The following TRIM44 variants were observed in gnomAD, a reference collection of about 807,000 sequenced individuals.
TRIM44 encodes the protein tripartite motif containing 44, also known as tripartite motif-containing protein 44.
TRIM44 carries 13 observed loss-of-function variants against 37.4 expected under a neutral mutation model. The ratio of observed to expected loss-of-function variants is 0.35; its 90% CI spans 0.23 to 0.55. The LOEUF (loss-of-function observed/expected upper bound fraction) is 0.55, where lower values mean the gene tolerates loss of function less well. Ranked by LOEUF, TRIM44 falls within the 20% of genes least tolerant of loss-of-function variation. TRIM44 has a pLI of 0.89. For missense variants in TRIM44, 426 were observed against 437.2 expected (o/e 0.97, Z 0.23); for synonymous variants, 175 against 157.2 (o/e 1.11, Z -0.85).
At chr11:35,715,206 G>A (rs1336834301) in intron 2 of TRIM44, among the ~76,000 whole-genome samples, 1 of 152,224 alleles carries the variant, frequency 6.6e-6, no homozygotes, top group African/African-American at 2.4e-5. Flanking sequence ...CCTGGGAGGA[G>A]AGGATGCTTG....
At chr11:35,746,562 G>GTT (rs778424945) in intron 4 of TRIM44, among the ~76,000 whole-genome samples, 6 of 151,412 alleles carry the variant, frequency 4.0e-5, no homozygotes, top group Non-Finnish European at 8.8e-5. Context: ...TGCTGGTGGA[G>GTT]TTTTTTGTTT....
At chr11:35,783,493 C>G (rs567920630) in intron 4 of TRIM44, among the ~76,000 whole-genome samples, 13 of 152,270 alleles carry the variant, frequency 8.5e-5, no homozygotes, top group African/African-American at 3.1e-4. Flanking sequence ...ATTATGAATA[C>G]ATTTTCTTTC....
chr11:35,703,342 C>G (rs1851823456), intron 2 of TRIM44, among the ~76,000 whole-genome samples: 1 of 152,318 alleles, frequency 6.6e-6, no homozygotes, highest in African/African-American at 2.4e-5. Flanking sequence ...CACAGACAAA[C>G]AAAAAGACAG....
At chr11:35,774,242 A>G (rs1852918765) in intron 4 of TRIM44, among the ~76,000 whole-genome samples, 3 of 152,142 alleles carry the variant, frequency 2.0e-5, no homozygotes, top group Admixed American at 6.5e-5. Flanking sequence ...GCATTTTTTC[A>G]CGTGTCTGTT....
chr11:35,793,758 A>G (rs1236093136), intron 4 of TRIM44, among the ~76,000 whole-genome samples: 1 of 152,102 alleles, frequency 6.6e-6, no homozygotes, highest in Non-Finnish European at 1.5e-5. Context: ...TTCACTCCTC[A>G]TTGCCCGGGG....
chr11:35,744,264 G>T (rs1421607483), intron 4 of TRIM44, among the ~76,000 whole-genome samples: 1 of 152,140 alleles, frequency 6.6e-6, no homozygotes, highest in Non-Finnish European at 1.5e-5. Context: ...GTATGAGTAT[G>T]TGCTACACAA....
intron 2 of TRIM44, among the ~76,000 whole-genome samples, chr11:35,707,128 CAGAG>C (rs1264379676): frequency 1.5e-4 from 22 of 151,204 alleles, no homozygotes; most frequent in Non-Finnish European, 2.4e-4. Flanking sequence ...AACAGACAAA[CAGAG>C]AGCCAAATCA....
intron 4 of TRIM44, among the ~76,000 whole-genome samples, chr11:35,767,247 G>A (rs532193128): frequency 3.9e-5 from 6 of 152,134 alleles, no homozygotes; most frequent in East Asian, 1.9e-4. Context: ...GGCTGTTATC[G>A]GGGTGCTTCT....
Position 35,663,290 on chromosome 11 carries a change from A to G in TRIM44, c.179A>G (p.Tyr60Cys). The G allele has an allele frequency of 1.2e-6, 2 of 1,614,022 alleles. No individual in the cohort carries two copies. The highest frequency in any genetic ancestry group is 1.7e-6 in the Non-Finnish European group (2 of 1,179,944). The stretch of plus-strand genomic sequence containing the variant: ...TTCCTCAGTCACCATCTGGCCGAAT[A>G]CGTCCACGGCTCCCAGGCCTGGACC... ...QKFLSHHLAE[Y>C]VHGSQAWTPP... is the part of the protein sequence containing the mutation. Residue 60 changes from tyrosine (Y) to cysteine (C), a missense_variant, in exon 1 of 5, where the codon TAC becomes TGC. Tyr to Cys is a radical substitution (Grantham distance 194). Transcript: ENST00000299413.
At chr11:35,667,891 T>G (rs1318324883) in intron 1 of TRIM44, among the ~76,000 whole-genome samples, 1 of 152,210 alleles carries the variant, frequency 6.6e-6, no homozygotes, top group Non-Finnish European at 1.5e-5. Flanking sequence ...TTTTTTTCAT[T>G]TATATTTATG....
Position 35,692,302 on chromosome 11 carries a change from G to A in TRIM44, c.747+6966G>A, listed in dbSNP as rs1341311616. Among the ~76,000 whole-genome samples the A allele has an allele frequency of 3.3e-5, 5 of 152,136 alleles. 1 individual carries two copies. Among genetic ancestry groups the A allele is most frequent in the Admixed American group, 3.3e-4 (5 of 15,282 alleles). ...GGATGATTCTCATGCACATGGTCAT[G>A]TGCATTCTTTTGAGACCATACTTGG... On this transcript the variant is annotated intron_variant, in intron 2 of 4. Transcript: ENST00000299413.
intron 4 of TRIM44, among the ~76,000 whole-genome samples, chr11:35,756,174 A>G (rs1417617231): frequency 6.6e-6 from 1 of 152,060 alleles, no homozygotes; most frequent in Non-Finnish European, 1.5e-5. Context: ...ATCCTCTTTT[A>G]TTTCATTGAG....
chr11:35,727,652 A>G (rs1852195027), intron 3 of TRIM44, among the ~76,000 whole-genome samples: 1 of 152,228 alleles, frequency 6.6e-6, no homozygotes, highest in African/African-American at 2.4e-5. Context: ...TCCTTACGTC[A>G]GCATTAACTC....
At chr11:35,784,284 C>CA (rs1225496114) in intron 4 of TRIM44, among the ~76,000 whole-genome samples, 2 of 152,062 alleles carry the variant, frequency 1.3e-5, no homozygotes, top group Non-Finnish European at 2.9e-5. Context: ...ACATCTGTGC[C>CA]AAAAATACTA....
chr11:35,707,698 C>A (rs1184314976), intron 2 of TRIM44, among the ~76,000 whole-genome samples: 1 of 147,962 alleles, frequency 6.8e-6, no homozygotes, highest in Admixed American at 6.8e-5. Flanking sequence ...GCTGGGAAAA[C>A]TGGCTAGCCA....
chr11:35,686,154 A>G (rs1346749414), intron 2 of TRIM44, among the ~76,000 whole-genome samples: 1 of 151,110 alleles, frequency 6.6e-6, no homozygotes, highest in African/African-American at 2.5e-5. Context: ...TTATTTCAAT[A>G]TGTTAGGGTC....
At chr11:35,707,424 A>T (rs1462605710) in intron 2 of TRIM44, among the ~76,000 whole-genome samples, 1 of 152,202 alleles carries the variant, frequency 6.6e-6, no homozygotes, top group Non-Finnish European at 1.5e-5. Flanking sequence ...TTTAAAGTTC[A>T]TATGGAACCA....
At chr11:35,704,748 G>C (rs944319440) in intron 2 of TRIM44, among the ~76,000 whole-genome samples, 1 of 152,126 alleles carries the variant, frequency 6.6e-6, no homozygotes, top group Non-Finnish European at 1.5e-5. Flanking sequence ...CCTTACAAGA[G>C]CTCCTGAAGG....
At chr11:35,719,247 C>T (rs2135512355) in intron 2 of TRIM44, among the ~76,000 whole-genome samples, 1 of 152,146 alleles carries the variant, frequency 6.6e-6, no homozygotes, top group South Asian at 2.1e-4. Flanking sequence ...AGCATTTGAT[C>T]TTGTTAATGT....
Sources: gnomAD v4.1 joint callset for allele counts (sites outside exome capture counted in the v4.1 genomes callset) on GRCh38, gnomAD v4.1.1 for gene constraint, MANE v1.5 for transcripts, NCBI Gene and HGNC (gene_info 2026-07-23, HGNC 2026-07-21) for gene names.